The following PRELID1 variants were observed in gnomAD, a reference collection of about 807,000 sequenced individuals.
PRELID1 encodes the protein PRELI domain-containing protein 1, mitochondrial.
A neutral mutation model predicts 29.0 loss-of-function variants in PRELID1; 15 were observed. The observed-to-expected ratio is 0.52, with a 90% CI of 0.35 to 0.80. The LOEUF (loss-of-function observed/expected upper bound fraction) is 0.80. Ranked by LOEUF, PRELID1 falls within the 30% of genes least tolerant of loss-of-function variation. The pLI is 0.01. For missense variants in PRELID1, 187 were observed against 275.9 expected (o/e 0.68, Z 2.28); for synonymous variants, 79 against 106.5 (o/e 0.74, Z 1.59).
chr5:177,304,742 T>G lies in PRELID1; in HGVS notation c.210T>G (p.Phe70Leu). Residue 70 changes from phenylalanine to leucine, a missense_variant, in exon 2 of 5, where the codon TTT becomes TTG. Phe to Leu is a conservative substitution (Grantham distance 22). Coordinates refer to ENST00000303204, the MANE Select transcript of PRELID1 (RefSeq NM_013237.4). ...TGCCACGCTGGGCCGAGCGACTATT[T>G]CCTGCCAATGTTGCTCACTCGGTGT... ...NRMPRWAERL[F>L]PANVAHSVYV... 6.2e-7 allele frequency: 1 copy of G among 1,613,930 alleles called. No individual in the cohort carries two copies. Among genetic ancestry groups the G allele is most frequent in the Non-Finnish European group, 8.5e-7 (1 of 1,179,836 alleles).
At position 177,303,861 on chromosome 5, in the gene PRELID1, G is replaced by A. The variant is rs1366836639; in HGVS notation, c.-125G>A. 5 of 743,898 alleles carry A rather than the reference G, an allele frequency of 6.7e-6. No homozygotes were observed. Among genetic ancestry groups the A allele is most frequent in the African/African-American group, 1.9e-5 (1 of 53,608 alleles). 46.1% of individuals were successfully genotyped at this position (743,898 alleles called of 1,614,324 possible). On this transcript the variant is annotated 5_prime_UTR_variant, in exon 1 of 5. Transcript: ENST00000303204. The surrounding 1 kb of genome is among the most constrained non-coding windows in gnomAD (Gnocchi z 6.1). ...GGCAGCTGCTTGGGCGCGGTGCGGT[G>A]GTGACTGAGCTACGAGCCTGGCGGC...
rs757559567 is a variant in PRELID1 at position 177,306,539 on chromosome 5, A to G, written c.629A>G (p.Lys210Arg). 3 of 1,611,750 alleles carry G rather than the reference A, an allele frequency of 1.9e-6. No individual in the cohort carries two copies. In the South Asian group the frequency reaches 3.3e-5, roughly 18 times the overall value. ...GACCTCGCCAGCAAGGCGGCCACCA[A>G]GAAGCAGCAGCAGCAGCAACAGTTT... ...AKDLASKAAT[K>R]KQQQQQQFV The change falls in exon 5 of 5, where the codon AAG becomes AGG. Residue 210 changes from lysine (K) to arginine (R), a missense_variant. By Grantham distance (26) the Lys-to-Arg change is conservative. Coordinates refer to ENST00000303204, the MANE Select transcript of PRELID1 (RefSeq NM_013237.4).
rs750714431 is a variant in PRELID1 at position 177,305,932 on chromosome 5, G to A, written c.380G>A (p.Arg127His). 6.8e-6 allele frequency: 11 copies of A among 1,614,162 alleles called. No homozygotes were observed. The highest frequency in any genetic ancestry group is 1.1e-5 in the South Asian group (1 of 91,080). ...GACAACAGTGGCTGGACTGAAATCC[G>A]CCGGGAAGCCTGGGTCTCCTCTAGC... ...NSDNSGWTEI[R>H]REAWVSSSLF... Residue 127 changes from arginine (R) to histidine (H), a missense_variant, in exon 3 of 5, where the codon CGC (arginine) becomes CAC (histidine). Arg to His is a conservative substitution (Grantham distance 29). Transcript: ENST00000303204.
chr5:177,305,236 CAA>C (rs1334169016), intron 2 of PRELID1, among the ~76,000 whole-genome samples: 2 of 150,666 alleles, frequency 1.3e-5, no homozygotes, highest in East Asian at 2.0e-4. Flanking sequence ...TTTCTGGTGA[CAA>C]GAGTCTCACC....
In PRELID1 at chr5:177,306,876, C is replaced by A. The variant is rs1760892999; in HGVS notation, c.*306C>A. On this transcript the variant is annotated 3_prime_UTR_variant, in exon 5 of 5. Coordinates refer to ENST00000303204, the MANE Select transcript of PRELID1 (RefSeq NM_013237.4). ...GACTGTAAGCCCGACAAGGGCAGGG[C>A]TTTTGGTTTTGTTCTCTGATGTGTC... The A allele has an allele frequency of 1.4e-6, 1 of 730,134 alleles. No individual in the cohort carries two copies. Among genetic ancestry groups the A allele is most frequent in the Non-Finnish European group, 2.2e-6 (1 of 459,690 alleles). 45.2% of individuals were successfully genotyped at this position (730,134 alleles called of 1,614,324 possible).
intron 2 of PRELID1, among the ~76,000 whole-genome samples, chr5:177,305,110 T>G (rs757498741): frequency 6.6e-6 from 1 of 152,212 alleles, no homozygotes; most frequent in Non-Finnish European, 1.5e-5. Context: ...TCCTAAGTTC[T>G]AAATGCAAAG....
chr5:177,304,891 C>T, intron 2 of PRELID1, 41 bp downstream of exon 2: 2 of 1,500,136 alleles, frequency 1.3e-6, no homozygotes, highest in Non-Finnish European at 1.8e-6. Context: ...TCCCCCTCTC[C>T]CCTCCCCCCG....
At chr5:177,304,532 C>A in intron 1 of PRELID1, 93 bp from the exon 2 acceptor site, 1 of 1,078,504 alleles carries the variant, frequency 9.3e-7, no homozygotes, top group Non-Finnish European at 1.4e-6. Flanking sequence ...GAAGGCGTGG[C>A]CTCTCTAGGC....
Position 177,306,106 on chromosome 5 carries a change from T to A in PRELID1, c.441T>A (p.Gly147=). The A allele has an allele frequency of 6.2e-7, 1 of 1,613,116 alleles. No individual in the cohort carries two copies. Among genetic ancestry groups the A allele is most frequent in the Non-Finnish European group, 8.5e-7 (1 of 1,179,054 alleles). Residue 147 remains glycine, a synonymous_variant, in exon 4 of 5, where the codon GGT becomes GGA. Transcript: ENST00000303204. ...TTCTCATCTCATGCCAGGAATTTGG[T>A]CTTGCCCGATTCAAAAGCAACGTGA... ...FGVSRAVQEF[G]LARFKSNVTK...
chr5:177,305,657 C>T (rs1346163920), intron 2 of PRELID1: 4 of 569,562 alleles, frequency 7.0e-6, no homozygotes, highest in Non-Finnish European at 1.3e-5. Context: ...GACCTTTTGC[C>T]TTCTAGTTTA....
At position 177,306,149 on chromosome 5, in the gene PRELID1, T is replaced by G. The variant is rs1760868064; in HGVS notation, c.484T>G (p.Phe162Val). 1 of 1,613,724 alleles carries G rather than the reference T, an allele frequency of 6.2e-7. No homozygotes were observed. Among genetic ancestry groups the G allele is most frequent in the Non-Finnish European group, 8.5e-7 (1 of 1,179,790 alleles). ...CAACGTGACCAAGACTATGAAGGGT[T>G]TTGAATATATCTTGGCTAAGCTGCA... is the stretch of plus-strand genomic sequence containing the variant. Reference protein sequence around the residue: ...KSNVTKTMKGFEYILAKLQGE... With the variant: ...KSNVTKTMKGVEYILAKLQGE... Residue 162 changes from phenylalanine to valine, a missense_variant, in exon 4 of 5, where the codon TTT (phenylalanine) becomes GTT (valine). By Grantham distance (50) the Phe-to-Val change is conservative (BLOSUM62 -1). Coordinates refer to ENST00000303204, the MANE Select transcript of PRELID1 (RefSeq NM_013237.4).
At chr5:177,304,142 C>A in intron 1 of PRELID1, 65 bp downstream of exon 1, 1 of 1,435,646 alleles carries the variant, frequency 7.0e-7, no homozygotes, top group Non-Finnish European at 9.7e-7. Flanking sequence ...TTATGGGTAA[C>A]CCCCAAGTAC....
chr5:177,306,359 G>T (rs767360949), intron 4 of PRELID1, 63 bp from the exon 5 acceptor site: 27 of 1,609,700 alleles, frequency 1.7e-5, no homozygotes. Flanking sequence ...GTGTCATGGG[G>T]GAGGGAAATT....
intron 4 of PRELID1, 93 bp downstream of exon 4, chr5:177,306,269 G>A (rs1378885159): frequency 6.4e-7 from 1 of 1,562,652 alleles, no homozygotes; most frequent in African/African-American, 1.4e-5. Flanking sequence ...CCTGCTCTGA[G>A]CTGGGACTCC....
In PRELID1 at chr5:177,306,752, G is replaced by C; in HGVS notation, c.*182G>C. The C allele has an allele frequency of 9.5e-7, 1 of 1,053,650 alleles. No individual in the cohort carries two copies. The highest frequency in any genetic ancestry group is 1.6e-5 in the African/African-American group (1 of 62,272). 65.3% of individuals were successfully genotyped at this position (1,053,650 alleles called of 1,614,324 possible). ...CATGATTCATGTCTGAGCCAGGTCT[G>C]CTTATTCTCCCATTGGGCAGCTGAG... On this transcript the variant is annotated 3_prime_UTR_variant, in exon 5 of 5. Coordinates refer to ENST00000303204, the MANE Select transcript of PRELID1 (RefSeq NM_013237.4).
At chr5:177,304,109 C>A in intron 1 of PRELID1, 32 bp downstream of exon 1, 1 of 1,584,982 alleles carries the variant, frequency 6.3e-7, no homozygotes, top group Non-Finnish European at 8.6e-7. Flanking sequence ...AAAACCGCGC[C>A]ATCTCGCTAT....
At chr5:177,304,924 A>C in intron 2 of PRELID1, 74 bp downstream of exon 2, 8 of 1,372,962 alleles carry the variant, frequency 5.8e-6, no homozygotes, top group African/African-American at 1.4e-5. Flanking sequence ...CCTCAGATAC[A>C]TGTGGCTAGA....
In PRELID1 at chr5:177,304,634, C is replaced by A. The variant is rs760916846; in HGVS notation, c.102C>A (p.Val34=). Residue 34 remains valine (V), a synonymous_variant, in exon 2 of 5, where the codon GTC becomes GTA. Transcript: ENST00000303204. ...ACCCTGACACCTGCAGCAAACATGT[C>A]TTGACGGAAGACATAGTACACCGGG... ...QRYPNPYSKH[V]LTEDIVHREV... 1.9e-6 allele frequency: 3 copies of A among 1,613,034 alleles called. No individual in the cohort carries two copies. In the African/African-American group the frequency reaches 4.0e-5, roughly 22 times the overall value.
In PRELID1 at chr5:177,305,896, G is replaced by A. The variant is rs1234707559; in HGVS notation, c.344G>A (p.Cys115Tyr). The A allele has an allele frequency of 1.2e-6, 2 of 1,614,142 alleles. No individual in the cohort carries two copies. The highest frequency in any genetic ancestry group is 1.7e-4 in the Middle Eastern group (1 of 5,990). The change falls in exon 3 of 5, where the codon TGT becomes TAT. Residue 115 changes from cysteine (C) to tyrosine (Y), a missense_variant. Transcript: ENST00000303204. ...LMVVEERCVYCVNSDNSGWTE... is the reference protein window; with the variant it reads ...LMVVEERCVYYVNSDNSGWTE... ...GTGGTGGAGGAACGATGTGTTTACT[G>A]TGTGAACTCTGACAACAGTGGCTGG...
Sources: gnomAD v4.1 joint callset for allele counts (sites outside exome capture counted in the v4.1 genomes callset) on GRCh38, gnomAD v4.1.1 for gene constraint, Gnocchi (gnomAD v3.1) non-coding constraint, MANE v1.5 for transcripts, NCBI Gene and HGNC (gene_info 2026-07-23, HGNC 2026-07-21) for gene names.